UCP3: variants seen among roughly 807,000 people sequenced by gnomAD.
UCP3 encodes uncoupling protein 3.
UCP3 carries 24 observed loss-of-function variants against 28.1 expected under a neutral mutation model. That is an observed-to-expected ratio of 0.85 (90% confidence interval 0.62 to 1.20). The LOEUF is 1.20. Ranked by LOEUF, UCP3 falls within the 50% of genes most tolerant of loss-of-function variation. The pLI is 0.00. For missense variants in UCP3, 397 were observed against 422.2 expected (o/e 0.94, Z 0.52); for synonymous variants, 184 against 171.2 (o/e 1.07, Z -0.59).
chr11:74,000,443 G>GC lies in UCP3; in HGVS notation c.*968_*969insG, dbSNP rs1355271844. On this transcript the variant is annotated 3_prime_UTR_variant, in exon 7 of 7. Coordinates refer to ENST00000314032, the MANE Select transcript of UCP3 (RefSeq NM_003356.4). ...ACTCATGATTGAGCACGTGGTGGGG[G>GC]GGGTGGGGAAGAGGCTGCATGGGGG... is the stretch of plus-strand genomic sequence containing the variant. The GC allele has an allele frequency of 2.0e-5, 3 of 152,370 alleles. No individual in the cohort carries two copies. The South Asian group carries it at 6.3e-4, about 32-fold the overall frequency. 9.4% of individuals were successfully genotyped at this position (152,370 alleles called of 1,614,324 possible).
At position 74,003,921 on chromosome 11, in the gene UCP3, G is replaced by C. The variant is rs779791876; in HGVS notation, c.730C>G (p.Arg244Gly). The stretch of plus-strand genomic sequence containing the variant: ...TGGCCTGGAGGTGAGTTCATATACC[G>C]GGTCTTCACCACGTCCACCGGGGAG... ...VASPVDVVKT[R>G]YMNSPPGQYF... Residue 244 changes from arginine to glycine, a missense_variant, in exon 6 of 7, where the codon CGG becomes GGG. Arg to Gly is a moderately radical substitution (Grantham distance 125). Transcript: ENST00000314032. 1.9e-6 allele frequency: 3 copies of C among 1,614,110 alleles called. No individual in the cohort carries two copies. Among genetic ancestry groups the C allele is most frequent in the Non-Finnish European group, 2.5e-6 (3 of 1,180,022 alleles).
At position 74,001,328 on chromosome 11, in the gene UCP3, G is replaced by T; in HGVS notation, c.*84C>A. 1 of 1,249,920 alleles carries T rather than the reference G, an allele frequency of 8.0e-7. No homozygotes were observed. The highest frequency in any genetic ancestry group is 1.2e-6 in the Non-Finnish European group (1 of 857,680). The allele number at this position is 1,249,920 out of a possible 1,614,324, so 77.4% of individuals were successfully genotyped here. ...GTTCTGTAAACATGTGTGGGTCTGT[G>T]TCCATGTGTGCGTGGATGCACCGTT... On this transcript the variant is annotated 3_prime_UTR_variant, in exon 7 of 7. Transcript: ENST00000314032.
At chr11:74,004,735 C>A (rs960262851) in intron 4 of UCP3, 150 bp from the exon 5 acceptor site, 1 of 657,354 alleles carries the variant, frequency 1.5e-6, no homozygotes, top group East Asian at 2.7e-5. Flanking sequence ...AGGATCCCAC[C>A]CCAGCTGAGC....
chr11:74,001,964 G>T (rs930925258), intron 6 of UCP3: 2 of 253,916 alleles, frequency 7.9e-6, no homozygotes, highest in Non-Finnish European at 7.7e-6. Flanking sequence ...ATGGCCCCCT[G>T]CCAGGACATG....
At chr11:74,004,643 TG>T in intron 4 of UCP3, 58 bp from the exon 5 acceptor site, 2 of 1,513,474 alleles carry the variant, frequency 1.3e-6, no homozygotes, top group Admixed American at 3.4e-5. Flanking sequence ...GAATGGGAAA[TG>T]GGAGAAATGG....
chr11:74,008,934 G>C (rs1231439371), intron 1 of UCP3, 44 bp downstream of exon 1: 4 of 152,488 alleles, frequency 2.6e-5, no homozygotes, highest in Admixed American at 1.3e-4. Context: ...AAGGAGAAGG[G>C]AGAGGGAGAG....
rs1217492613 is a variant in UCP3 at position 74,006,216 on chromosome 11, C to G, written c.290G>C (p.Gly97Ala). 6.2e-7 allele frequency: 1 copy of G among 1,614,152 alleles called. No homozygotes were observed. ...CACCTGCTTGACGGAGTCATAGAGG[C>G]CGATGCGGATGGAGGCGAAGCTCAT... ...RQMSFASIRIGLYDSVKQVYT... is the reference protein window; with the variant it reads ...RQMSFASIRIALYDSVKQVYT... The change falls in exon 3 of 7, where the codon GGC becomes GCC. Residue 97 changes from glycine (G) to alanine (A), a missense_variant. By Grantham distance (60) the Gly-to-Ala change is moderately conservative. Coordinates refer to ENST00000314032, the MANE Select transcript of UCP3 (RefSeq NM_003356.4).
At position 74,001,134 on chromosome 11, in the gene UCP3, T is replaced by C. The variant is rs1356622713; in HGVS notation, c.*278A>G. On this transcript the variant is annotated 3_prime_UTR_variant, in exon 7 of 7. Transcript: ENST00000314032. ...TCCAAATGGATCTATCTTGGTTTAT[T>C]TTCTCTTGCCTAAATATTAGGCATG... The C allele has an allele frequency of 2.2e-6, 1 of 461,864 alleles. No individual in the cohort carries two copies. The highest frequency in any genetic ancestry group is 3.9e-6 in the Non-Finnish European group (1 of 255,220). The allele number at this position is 461,864 out of a possible 1,614,324, so 28.6% of individuals were successfully genotyped here.
At chr11:74,003,123 T>C (rs1265061031) in intron 6 of UCP3, among the ~76,000 whole-genome samples, 1 of 152,226 alleles carries the variant, frequency 6.6e-6, no homozygotes, top group South Asian at 2.1e-4. Context: ...AGGCCTAATA[T>C]AGAGTGACTT....
At position 74,006,394 on chromosome 11, in the gene UCP3, C is replaced by T. The variant is rs920881318; in HGVS notation, c.127-15G>A. The T allele has an allele frequency of 1.3e-6, 2 of 1,538,990 alleles. No homozygotes were observed. Among genetic ancestry groups the T allele is most frequent in the Admixed American group, 3.8e-5 (2 of 53,040 alleles). Reference sequence around the variant, plus strand: ...TCCCCCTGGATCTGAGGGACAATAGCAGGGGGTGAGGACTCAGATGGGAAG... The same window carrying T: ...TCCCCCTGGATCTGAGGGACAATAGTAGGGGGTGAGGACTCAGATGGGAAG... On this transcript the variant is annotated splice_polypyrimidine_tract_variant and intron_variant, in intron 2 of 6. Coordinates refer to ENST00000314032, the MANE Select transcript of UCP3 (RefSeq NM_003356.4).
intron 2 of UCP3, among the ~76,000 whole-genome samples, chr11:74,006,689 A>C (rs114669689): frequency 9.1e-4 from 139 of 152,312 alleles, no homozygotes; most frequent in African/African-American, 3.1e-3. Context: ...ATGCTTTACA[A>C]AGTAGGGCCT....
rs1221608232 is a variant in UCP3 at position 74,001,527 on chromosome 11, C to G, written c.825-1G>C. The G allele has an allele frequency of 1.2e-6, 2 of 1,613,994 alleles. No homozygotes were observed. The highest frequency in any genetic ancestry group is 1.7e-5 in the Admixed American group (1 of 59,986). ...CAAACGCAAAAAGGAGGGTGTAAAT[C>G]TGATAAGAAAAACAACCAACACATC... On this transcript the variant is annotated splice_acceptor_variant, in intron 6 of 6. Coordinates refer to ENST00000314032, the MANE Select transcript of UCP3 (RefSeq NM_003356.4). LOFTEE classifies it high-confidence loss of function.
Position 74,005,882 on chromosome 11 carries a change from G to A in UCP3, c.389C>T (p.Ala130Val), listed in dbSNP as rs767838103. 5.3e-5 allele frequency: 86 copies of A among 1,614,036 alleles called. No individual in the cohort carries two copies. Among genetic ancestry groups the A allele is most frequent in the Middle Eastern group, 1.6e-4 (1 of 6,084 alleles). The change falls in exon 4 of 7, where the codon GCG (alanine) becomes GTG (valine). Residue 130 changes from alanine to valine, a missense_variant. Transcript: ENST00000314032. Reference protein sequence around the residue: ...ILAGCTTGAMAVTCAQPTDVV... With the variant: ...ILAGCTTGAMVVTCAQPTDVV... ...ATCTGTGGGCTGGGCACAGGTCACC[G>A]CCATGGCTCCTGTGGTGCAGCCGGC...
chr11:74,005,328 C>T (rs1174119579), intron 4 of UCP3, among the ~76,000 whole-genome samples: 1 of 152,176 alleles, frequency 6.6e-6, no homozygotes, highest in Non-Finnish European at 1.5e-5. Context: ...CTTCCGTCTC[C>T]ACACACCTAG....
chr11:74,005,599 G>C, intron 4 of UCP3, 131 bp downstream of exon 4: 2 of 1,048,678 alleles, frequency 1.9e-6, no homozygotes. Context: ...AAGTATCTTT[G>C]GTTGTGATGT....
Position 74,005,939 on chromosome 11 carries a change from A to G in UCP3, c.338-6T>C. 2 of 1,613,840 alleles carry G rather than the reference A, an allele frequency of 1.2e-6. No homozygotes were observed. Among genetic ancestry groups the G allele is most frequent in the Non-Finnish European group, 1.7e-6 (2 of 1,179,932 alleles). On this transcript the variant is annotated splice_region_variant and splice_polypyrimidine_tract_variant and intron_variant, in intron 3 of 6. Coordinates refer to ENST00000314032, the MANE Select transcript of UCP3 (RefSeq NM_003356.4). ...CCGGGTAGTGAGGCTGGAGTCTGGGAGGGGCAGAGAGAGTGGGCCAGTGTC... is the reference window on the plus strand; with the variant it reads ...CCGGGTAGTGAGGCTGGAGTCTGGGGGGGGCAGAGAGAGTGGGCCAGTGTC...
chr11:74,002,207 G>A (rs567234076), intron 6 of UCP3: 75 of 153,936 alleles, frequency 4.9e-4, no homozygotes, highest in Non-Finnish European at 7.2e-4. Flanking sequence ...ATTCCCTGAC[G>A]ATGCCAGGCC....
chr11:74,006,476 G>A (rs1401522085), intron 2 of UCP3, 97 bp from the exon 3 acceptor site: 2 of 1,242,670 alleles, frequency 1.6e-6, no homozygotes, highest in Non-Finnish European at 2.2e-6. Flanking sequence ...CCTGGGCTGG[G>A]CCTGAGAACA....
chr11:74,005,295 G>A (rs1297504364), intron 4 of UCP3, among the ~76,000 whole-genome samples: 1 of 151,992 alleles, frequency 6.6e-6, no homozygotes, highest in African/African-American at 2.4e-5. Flanking sequence ...TTTTCCTCCG[G>A]ACCCTGCTTG....
Sources: gnomAD v4.1 joint callset for allele counts (sites outside exome capture counted in the v4.1 genomes callset) on GRCh38, gnomAD v4.1.1 for gene constraint, MANE v1.5 for transcripts, NCBI Gene and HGNC (gene_info 2026-07-23, HGNC 2026-07-21) for gene names.